The following ZFAND3 variants were observed in gnomAD, a reference collection of about 807,000 sequenced individuals.
ZFAND3 encodes the protein zinc finger AN1-type containing 3.
Under a neutral mutation model 29.6 loss-of-function variants are expected in ZFAND3, and 10 were observed. The ratio of observed to expected loss-of-function variants is 0.34; its 90% CI spans 0.21 to 0.57. The LOEUF (loss-of-function observed/expected upper bound fraction) is 0.57. Ranked by LOEUF, ZFAND3 falls within the 20% of genes least tolerant of loss-of-function variation. The pLI is 0.86. For synonymous variants in ZFAND3, 128 were observed against 112.6 expected (o/e 1.14, Z -0.87); for missense variants, 230 against 304.5 (o/e 0.76, Z 1.82).
intron 2 of ZFAND3, among the ~76,000 whole-genome samples, chr6:37,959,788 T>A (rs1186655336): frequency 6.6e-6 from 1 of 152,178 alleles, no homozygotes; most frequent in African/African-American, 2.4e-5. Context: ...AAATTAAGAC[T>A]AAATAGAGGC....
At position 37,930,540 on chromosome 6, in the gene ZFAND3, A is replaced by G. The variant is rs113996849; in HGVS notation, c.112+541A>G. 7.1e-3 allele frequency among the ~76,000 whole-genome samples: 1,078 copies of G among 152,208 alleles called. 12 individuals carry two copies. The highest frequency in any genetic ancestry group is 0.024 in the African/African-American group (992 of 41,526). On this transcript the variant is annotated intron_variant, in intron 2 of 5. Coordinates refer to ENST00000287218, the MANE Select transcript of ZFAND3 (RefSeq NM_021943.3). ...TGAGACCTTGTCTCTATAAAAACAAAAAGCCTCCTGCAGATCCCTCATTCA... is the reference window on the plus strand; with the variant it reads ...TGAGACCTTGTCTCTATAAAAACAAGAAGCCTCCTGCAGATCCCTCATTCA...
chr6:37,987,332 G>C (rs1287566634), intron 2 of ZFAND3, among the ~76,000 whole-genome samples: 2 of 152,136 alleles, frequency 1.3e-5, no homozygotes, highest in Non-Finnish European at 2.9e-5. Context: ...AGTCCTCCTA[G>C]TAACAATATC....
At chr6:37,966,148 G>T (rs1236327770) in intron 2 of ZFAND3, among the ~76,000 whole-genome samples, 1 of 152,174 alleles carries the variant, frequency 6.6e-6, no homozygotes, top group East Asian at 1.9e-4. Flanking sequence ...TCATAGAAGA[G>T]GTTGGCATTT....
rs565207515 is a variant in ZFAND3 at position 37,937,205 on chromosome 6, C to T, written c.112+7206C>T. ...AGTAAGAGAAACAGAGTGAGTCTGA[C>T]AAATTTTAAGCTCATATATTTTCCT... On this transcript the variant is annotated intron_variant, in intron 2 of 5. Coordinates refer to ENST00000287218, the MANE Select transcript of ZFAND3 (RefSeq NM_021943.3). Among the ~76,000 whole-genome samples, 176 of 152,242 alleles carry T rather than the reference C, an allele frequency of 1.2e-3. 1 individual carries two copies. Among genetic ancestry groups the T allele is most frequent in the Middle Eastern group, 3.4e-3 (1 of 294 alleles).
rs186468353 is a variant in ZFAND3 at position 38,091,206 on chromosome 6, A to C, written c.361+8749A>C. ...TCTTTTGGAGATGTGTGTGTGTAAG[A>C]AGTCCAGGCTTTGCTGTTGAGCTTT... On this transcript the variant is annotated intron_variant, in intron 4 of 5. Coordinates refer to ENST00000287218, the MANE Select transcript of ZFAND3 (RefSeq NM_021943.3). Among the ~76,000 whole-genome samples, 40 of 152,294 alleles carry C rather than the reference A, an allele frequency of 2.6e-4. 2 individuals are homozygous for C. The East Asian group carries it at 5.6e-3, about 21-fold the overall frequency.
chr6:37,864,763 A>T (rs1003591813), intron 1 of ZFAND3, among the ~76,000 whole-genome samples: 3 of 151,364 alleles, frequency 2.0e-5, no homozygotes, highest in African/African-American at 7.3e-5. Context: ...ACACACACAC[A>T]CACACACATG....
chr6:38,149,421 A>C (rs973021131), intron 5 of ZFAND3, among the ~76,000 whole-genome samples: 5 of 151,842 alleles, frequency 3.3e-5, no homozygotes, highest in African/African-American at 9.7e-5. Context: ...AAAAAAAAAA[A>C]AAAAAAAACC....
intron 1 of ZFAND3, among the ~76,000 whole-genome samples, chr6:37,892,713 G>C (rs981392419): frequency 6.6e-6 from 1 of 152,110 alleles, no homozygotes; most frequent in African/African-American, 2.4e-5. Context: ...CATTTATATA[G>C]ATTGAACAAG....
Position 38,154,078 on chromosome 6 carries a change from C to A in ZFAND3, c.*1689C>A. ...CCCAGCCTTAATTCTTGCTTCAGGA[C>A]CCAGACCGGTGTCTTGCTCTAGGGC... On this transcript the variant is annotated 3_prime_UTR_variant, in exon 6 of 6. Transcript: ENST00000287218. The A allele has an allele frequency of 1.0e-6, 1 of 985,554 alleles. No homozygotes were observed. The highest frequency in any genetic ancestry group is 1.2e-6 in the Non-Finnish European group (1 of 830,000). 61.1% of individuals were successfully genotyped at this position (985,554 alleles called of 1,614,324 possible). A position where few individuals can be genotyped will look rare whatever the true frequency, so the allele number is the denominator to read the frequency against.
chr6:37,896,514 T>TTTTCTTTTCTTTC (rs71542145), intron 1 of ZFAND3, among the ~76,000 whole-genome samples: 10 of 109,176 alleles, frequency 9.2e-5, no homozygotes, highest in African/African-American at 3.7e-4. Flanking sequence ...TTCCTCTTTC[T>TTTTCTTTTCTTTC]TTTCTTTCTT....
chr6:37,841,961 G>A (rs1354012592), intron 1 of ZFAND3, among the ~76,000 whole-genome samples: 3 of 152,164 alleles, frequency 2.0e-5, no homozygotes, highest in African/African-American at 7.2e-5. Context: ...GGAGGGCAAG[G>A]TCAAGGTACT....
intron 2 of ZFAND3, among the ~76,000 whole-genome samples, chr6:38,042,572 C>T (rs751919707): frequency 2.0e-5 from 3 of 152,156 alleles, no homozygotes; most frequent in Non-Finnish European, 4.4e-5. Flanking sequence ...CCTCAGCCTC[C>T]CAAAGTGCTG....
At chr6:37,981,437 G>T (rs1561954941) in intron 2 of ZFAND3, among the ~76,000 whole-genome samples, 1 of 152,172 alleles carries the variant, frequency 6.6e-6, no homozygotes, top group Non-Finnish European at 1.5e-5. Context: ...CCATATTGAA[G>T]CCAGGATCAT....
In ZFAND3 at chr6:38,132,139, TTAAA is replaced by T. The variant is rs141469202; in HGVS notation, c.529+15404_529+15407del. Among the ~76,000 whole-genome samples the T allele has an allele frequency of 3.4e-3, 521 of 152,316 alleles. 3 individuals are homozygous for T. The highest frequency in any genetic ancestry group is 0.012 in the African/African-American group (498 of 41,566). The stretch of plus-strand genomic sequence containing the variant: ...TTATTTGGTATGCTTATGAGTTTAA[TTAAA>T]TAACTCAACTTTGGGGAAGGGTGTA... On this transcript the variant is annotated intron_variant, in intron 5 of 5. Coordinates refer to ENST00000287218, the MANE Select transcript of ZFAND3 (RefSeq NM_021943.3).
chr6:37,833,105 G>A (rs1341926689), intron 1 of ZFAND3: 1 of 152,052 alleles, frequency 6.6e-6, no homozygotes, highest in African/African-American at 2.4e-5. Context: ...GTGGACACCT[G>A]ATCAGCATAA....
At position 38,154,393 on chromosome 6, in the gene ZFAND3, G is replaced by T; in HGVS notation, c.*2004G>T. On this transcript the variant is annotated 3_prime_UTR_variant, in exon 6 of 6. Coordinates refer to ENST00000287218, the MANE Select transcript of ZFAND3 (RefSeq NM_021943.3). ...AGAGCTGGGGGGGGTGGGGGGTGGGGCTTGTTCCCCTGCAGTATCTGTTCT... is the reference window on the plus strand; with the variant it reads ...AGAGCTGGGGGGGGTGGGGGGTGGGTCTTGTTCCCCTGCAGTATCTGTTCT... 2.2e-6 allele frequency: 1 copy of T among 452,592 alleles called. No homozygotes were observed. Among genetic ancestry groups the T allele is most frequent in the Non-Finnish European group, 2.9e-6 (1 of 344,296 alleles). The allele number at this position is 452,592 out of a possible 1,614,324, so 28.0% of individuals were successfully genotyped here. A position where few individuals can be genotyped will look rare whatever the true frequency, so the allele number is the denominator to read the frequency against.
intron 4 of ZFAND3, among the ~76,000 whole-genome samples, chr6:38,104,323 A>G (rs1170265173): frequency 6.6e-6 from 1 of 151,988 alleles, no homozygotes; most frequent in Non-Finnish European, 1.5e-5. Flanking sequence ...TGAGAAGAGG[A>G]AGCTTTGACT....
At chr6:38,110,739 G>A (rs1207128215) in intron 4 of ZFAND3, among the ~76,000 whole-genome samples, 1 of 152,200 alleles carries the variant, frequency 6.6e-6, no homozygotes, top group Non-Finnish European at 1.5e-5. Context: ...GGGACGGTGT[G>A]GGTGAAGGGA....
At chr6:38,144,218 A>ATTTTT (rs1554183997) in intron 5 of ZFAND3, among the ~76,000 whole-genome samples, 2 of 31,446 alleles carry the variant, frequency 6.4e-5, no homozygotes, top group East Asian at 1.1e-3. Flanking sequence ...TATAATATAT[A>ATTTTT]ATATATATAT....
Sources: allele counts gnomAD v4.1 joint callset (sites outside exome capture counted in the v4.1 genomes callset), GRCh38; gene constraint gnomAD v4.1.1; transcripts MANE v1.5; gene names NCBI Gene and HGNC (gene_info 2026-07-23, HGNC 2026-07-21).